The following ZNF845 variants were observed in gnomAD, a reference collection of about 807,000 sequenced individuals.
ZNF845 encodes the protein zinc finger protein 845.
Under a neutral mutation model 76.1 loss-of-function variants are expected in ZNF845, and 59 were observed. That is an observed-to-expected ratio of 0.78 (90% CI 0.63 to 0.96). The LOEUF is 0.96. ZNF845 is among the 40% of genes least tolerant of loss of function. The pLI, the probability that ZNF845 is intolerant of heterozygous loss-of-function variation, is 0.00. For synonymous variants in ZNF845, 361 were observed against 386.9 expected (o/e 0.93, Z 0.78); for missense variants, 1,045 against 1,172.8 (o/e 0.89, Z 1.59).
At chr19:53,349,729 T>C (rs1262780357) in intron 3 of ZNF845, among the ~76,000 whole-genome samples, 2 of 152,194 alleles carry the variant, frequency 1.3e-5, no homozygotes, top group Non-Finnish European at 2.9e-5. Flanking sequence ...ACTGACACAG[T>C]CCACTCGTTA....
chr19:53,353,252 C>G lies in ZNF845; in HGVS notation c.2577C>G (p.Tyr859Ter). The G allele has an allele frequency of 6.2e-7, 1 of 1,613,906 alleles. No homozygotes were observed. The highest frequency in any genetic ancestry group is 8.5e-7 in the Non-Finnish European group (1 of 1,179,854). The change falls in exon 4 of 4, where the codon TAC (tyrosine) becomes TAG (stop). Residue 859 changes from tyrosine (Y) to a stop codon, truncating the protein, a stop_gained. Transcript: ENST00000458035. LOFTEE classifies it high-confidence loss of function. ...CAATTCATACTGGAGAAAAACCTTACAAGTGTAGTGAATGTGGCAAGGTTT... is the reference window on the plus strand; with the variant it reads ...CAATTCATACTGGAGAAAAACCTTAGAAGTGTAGTGAATGTGGCAAGGTTT... The part of the protein sequence containing the change: ...HKAIHTGEKP[Y>*]KCSECGKVFN...
chr19:53,337,303 C>T (rs1256146640), intron 1 of ZNF845, among the ~76,000 whole-genome samples: 2 of 147,188 alleles, frequency 1.4e-5, no homozygotes, highest in Non-Finnish European at 1.5e-5. Flanking sequence ...ATCTGAAGTT[C>T]CCTCTGCCCG....
chr19:53,349,503 C>G (rs2085319374), intron 3 of ZNF845, among the ~76,000 whole-genome samples: 3 of 151,056 alleles, frequency 2.0e-5, no homozygotes, highest in Admixed American at 1.3e-4. Context: ...CTCCTGACCT[C>G]ATGATCTGCC....
intron 1 of ZNF845, among the ~76,000 whole-genome samples, chr19:53,336,624 T>C (rs999253591): frequency 2.2e-4 from 30 of 135,646 alleles, no homozygotes; most frequent in Admixed American, 4.1e-4. Context: ...TTCCTTCCTT[T>C]CTTTCTTTCT....
rs1467533915 is a variant in ZNF845, at chr19:53,354,655, T to A, written c.*1067T>A. 1 of 152,598 alleles carries A rather than the reference T, an allele frequency of 6.6e-6. No homozygotes were observed. Among genetic ancestry groups the A allele is most frequent in the African/African-American group, 2.4e-5 (1 of 41,452 alleles). 9.5% of individuals were successfully genotyped at this position (152,598 alleles called of 1,614,324 possible). A position where few individuals can be genotyped will look rare whatever the true frequency, so the allele number is the denominator to read the frequency against. On this transcript the variant is annotated 3_prime_UTR_variant, in exon 4 of 4. Transcript: ENST00000458035. ...TTGTATGTCTATTTAGTTTTTTTGA[T>A]CAATGTAGATTTCAAGGTACAAGCT...
chr19:53,345,384 A>C, intron 2 of ZNF845, 122 bp from the exon 3 acceptor site: 2 of 1,569,586 alleles, frequency 1.3e-6, no homozygotes, highest in Non-Finnish European at 1.7e-6. Context: ...AGAATCCCTT[A>C]CTCGGATTTG....
At chr19:53,342,684 T>C (rs1449916975) in intron 2 of ZNF845, among the ~76,000 whole-genome samples, 7 of 152,162 alleles carry the variant, frequency 4.6e-5, no homozygotes, top group Non-Finnish European at 8.8e-5. Flanking sequence ...TTAAAAAATA[T>C]ATATTTATGG....
chr19:53,339,552 A>G (rs2085241680), intron 1 of ZNF845, among the ~76,000 whole-genome samples: 1 of 152,172 alleles, frequency 6.6e-6, no homozygotes, highest in Admixed American at 6.5e-5. Flanking sequence ...CCAAGACCCA[A>G]CTAAGACCCA....
intron 2 of ZNF845, among the ~76,000 whole-genome samples, chr19:53,344,176 G>A (rs1184070204): frequency 5.3e-5 from 8 of 152,082 alleles, no homozygotes; most frequent in African/African-American, 1.2e-4. Flanking sequence ...CACTGCGGAC[G>A]TTGTCATCTC....
intron 1 of ZNF845, among the ~76,000 whole-genome samples, chr19:53,338,010 T>C (rs956279343): frequency 6.6e-6 from 1 of 152,074 alleles, no homozygotes; most frequent in Non-Finnish European, 1.5e-5. Context: ...CAGAGATGCC[T>C]TTCTGCATGG....
intron 3 of ZNF845, among the ~76,000 whole-genome samples, chr19:53,350,128 T>A (rs915531534): frequency 6.6e-6 from 1 of 151,122 alleles, no homozygotes; most frequent in Non-Finnish European, 1.5e-5. Flanking sequence ...TTCAGAAAAA[T>A]ATTGTATTAA....
intron 2 of ZNF845, among the ~76,000 whole-genome samples, chr19:53,344,600 TTTTA>T: frequency 7.9e-6 from 1 of 126,098 alleles, no homozygotes; most frequent in African/African-American, 3.1e-5. Context: ...TTTTATTTTA[TTTTA>T]TTTATTTTAT....
rs1209905715 is a variant in ZNF845, at chr19:53,351,988, C to T, written c.1313C>T (p.Pro438Leu). The change falls in exon 4 of 4, where the codon CCT (proline) becomes CTT (leucine). Residue 438 changes from proline to leucine, a missense_variant. Pro to Leu is a moderately conservative substitution (Grantham distance 98, BLOSUM62 -3). Coordinates refer to ENST00000458035, the MANE Select transcript of ZNF845 (RefSeq NM_138374.3). ...YHRRLHTGEKPYKCEECDEAF... is the reference protein window; with the variant it reads ...YHRRLHTGEKLYKCEECDEAF... ...CGTAGACTTCATACTGGAGAGAAACCTTACAAATGTGAAGAATGTGATGAA... is the reference window on the plus strand; with the variant it reads ...CGTAGACTTCATACTGGAGAGAAACTTTACAAATGTGAAGAATGTGATGAA... The T allele has an allele frequency of 1.9e-6, 3 of 1,613,856 alleles. No individual in the cohort carries two copies. The highest frequency in any genetic ancestry group is 2.7e-5 in the African/African-American group (2 of 74,864).
At chr19:53,339,299 T>G (rs965948179) in intron 1 of ZNF845, among the ~76,000 whole-genome samples, 2 of 151,792 alleles carry the variant, frequency 1.3e-5, no homozygotes, top group Non-Finnish European at 2.9e-5. Flanking sequence ...TCTAATGGAG[T>G]GACATTTAGA....
chr19:53,341,160 C>G (rs2085253784), intron 1 of ZNF845, 75 bp from the exon 2 acceptor site: 16 of 1,310,852 alleles, frequency 1.2e-5, no homozygotes, highest in Non-Finnish European at 1.5e-5. Flanking sequence ...GTGAGGTCTC[C>G]TTTGTATGTT....
rs1008341566 is a variant in ZNF845, at chr19:53,352,453, C to A, written c.1778C>A (p.Thr593Asn). Residue 593 changes from threonine to asparagine, a missense_variant, in exon 4 of 4, where the codon ACC becomes AAC. By Grantham distance (65) the Thr-to-Asn change is moderately conservative. Transcript: ENST00000458035. Reference sequence around the variant, plus strand: ...CACCAAGTCTTTAGTAATGCTACAACCATTGCAAATCATTGGAGAATCCAT... The same window carrying A: ...CACCAAGTCTTTAGTAATGCTACAAACATTGCAAATCATTGGAGAATCCAT... ...DCHQVFSNAT[T>N]IANHWRIHNE... 24 of 1,613,584 alleles carry A rather than the reference C, an allele frequency of 1.5e-5. No homozygotes were observed. The highest frequency in any genetic ancestry group is 2.0e-5 in the Non-Finnish European group (24 of 1,179,774).
rs2085374830 is a variant in ZNF845 at position 53,354,996 on chromosome 19, T to C, written c.*1408T>C. ...GTACAATGGCACGATCTTGGCTCAC[T>C]GCAGCCTCTGCCTTTCGGGTTTAAG... On this transcript the variant is annotated 3_prime_UTR_variant, in exon 4 of 4. Transcript: ENST00000458035. 6.6e-6 allele frequency: 1 copy of C among 152,042 alleles called. No homozygotes were observed. The highest frequency in any genetic ancestry group is 1.5e-5 in the Non-Finnish European group (1 of 68,024). The allele number at this position is 152,042 out of a possible 1,614,324, so 9.4% of individuals were successfully genotyped here. A position where few individuals can be genotyped will look rare whatever the true frequency, so the allele number is the denominator to read the frequency against.
chr19:53,349,321 G>C (rs77102703), intron 3 of ZNF845, among the ~76,000 whole-genome samples: 25 of 151,968 alleles, frequency 1.6e-4, no homozygotes, highest in African/African-American at 6.0e-4. Flanking sequence ...TTGAGACAGA[G>C]TGGCGCGATC....
intron 2 of ZNF845, among the ~76,000 whole-genome samples, chr19:53,345,177 G>A (rs193156585): frequency 1.1e-3 from 169 of 152,168 alleles, no homozygotes; most frequent in African/African-American, 3.3e-3. Context: ...TTAGCCAGGC[G>A]CGGTGGCACC....
Sources: allele counts gnomAD v4.1 joint callset (sites outside exome capture counted in the v4.1 genomes callset), GRCh38; gene constraint gnomAD v4.1.1; transcripts MANE v1.5; gene names NCBI Gene and HGNC (gene_info 2026-07-23, HGNC 2026-07-21).